The following SLC25A13 variants were observed in gnomAD, a reference collection of about 807,000 sequenced individuals.
The protein encoded by SLC25A13 is solute carrier family 25 member 13.
A neutral mutation model predicts 85.5 loss-of-function variants in SLC25A13; 70 were observed. That is an observed-to-expected ratio of 0.82 (90% CI 0.68 to 1.00). SLC25A13 has a LOEUF of 1.00. SLC25A13 is among the 50% of genes least tolerant of loss of function. The pLI is 0.00. For missense variants in SLC25A13, 765 were observed against 819.8 expected (o/e 0.93, Z 0.82); for synonymous variants, 259 against 288.7 (o/e 0.90, Z 1.04).
At chr7:96,182,179 CAAGTCA>C (rs946896792) in intron 11 of SLC25A13, among the ~76,000 whole-genome samples, 27 of 152,140 alleles carry the variant, frequency 1.8e-4, no homozygotes, top group African/African-American at 5.6e-4. Context: ...AGAATAGGAA[CAAGTCA>C]TTTTCATGGC....
At chr7:96,309,537 C>T (rs1799877626) in intron 1 of SLC25A13, 3 of 152,202 alleles carry the variant, frequency 2.0e-5, no homozygotes, top group Admixed American at 2.0e-4. Context: ...AAACCACATA[C>T]ATGCAGCAGA....
chr7:96,224,161 T>A (rs754747679), intron 4 of SLC25A13, among the ~76,000 whole-genome samples: 1 of 152,148 alleles, frequency 6.6e-6, no homozygotes, highest in Non-Finnish European at 1.5e-5. Flanking sequence ...TTTCAGCTCT[T>A]CCACTCACAA....
At chr7:96,209,745 A>C (rs1179687804) in intron 4 of SLC25A13, among the ~76,000 whole-genome samples, 1 of 152,158 alleles carries the variant, frequency 6.6e-6, no homozygotes, top group Non-Finnish European at 1.5e-5. Context: ...ACAAACAAAC[A>C]AGAAAAAAAC....
chr7:96,169,497 A>C (rs527248586), intron 13 of SLC25A13, among the ~76,000 whole-genome samples: 1 of 152,298 alleles, frequency 6.6e-6, no homozygotes, highest in African/African-American at 2.4e-5. Context: ...TCAGAACAAG[A>C]TGCAAGTTGT....
Position 96,154,174 on chromosome 7 carries a change from G to T in SLC25A13, c.1312-7478C>A, listed in dbSNP as rs537601567. Among the ~76,000 whole-genome samples the T allele has an allele frequency of 1.1e-4, 16 of 152,072 alleles. No homozygotes were observed. In the South Asian group the frequency reaches 3.3e-3, roughly 32 times the overall value. ...ATTCTGAATAAAAAATCGTGTAGAG[G>T]ATCTTATATCAGTACACATTTACAC... is the stretch of plus-strand genomic sequence containing the variant. On this transcript the variant is annotated intron_variant, in intron 13 of 17. Transcript: ENST00000265631.
intron 5 of SLC25A13, among the ~76,000 whole-genome samples, chr7:96,194,987 T>A (rs1795005008): frequency 6.6e-6 from 1 of 152,142 alleles, no homozygotes; most frequent in African/African-American, 2.4e-5. Context: ...ATGGGAAGCA[T>A]CTGTTGGCCC....
intron 13 of SLC25A13, among the ~76,000 whole-genome samples, chr7:96,153,619 G>C (rs1793135283): frequency 6.6e-6 from 1 of 152,124 alleles, no homozygotes; most frequent in African/African-American, 2.4e-5. Context: ...GTGCACCCAC[G>C]ACTGTAGAAG....
intron 13 of SLC25A13, among the ~76,000 whole-genome samples, chr7:96,165,904 AATGT>A (rs1256182555): frequency 6.6e-6 from 1 of 152,272 alleles, no homozygotes; most frequent in Non-Finnish European, 1.5e-5. Flanking sequence ...AACTGAATGT[AATGT>A]ATGAGATGAG....
chr7:96,213,056 T>C (rs957410533), intron 4 of SLC25A13, among the ~76,000 whole-genome samples: 1 of 152,156 alleles, frequency 6.6e-6, no homozygotes, highest in Admixed American at 6.5e-5. Context: ...TATTAAATCT[T>C]GTTCCTCTGG....
chr7:96,244,762 GT>G (rs1797123244), intron 3 of SLC25A13, among the ~76,000 whole-genome samples: 1 of 152,140 alleles, frequency 6.6e-6, no homozygotes, highest in South Asian at 2.1e-4. Flanking sequence ...TCGCTGCAGT[GT>G]TTGCCAAGGG....
At chr7:96,244,788 T>C (rs1424259413) in intron 3 of SLC25A13, among the ~76,000 whole-genome samples, 1 of 152,226 alleles carries the variant, frequency 6.6e-6, no homozygotes, top group Admixed American at 6.5e-5. Flanking sequence ...TTTAAATTCA[T>C]TGGCTCCAGT....
At chr7:96,242,691 G>C (rs546642029) in intron 3 of SLC25A13, among the ~76,000 whole-genome samples, 1 of 152,240 alleles carries the variant, frequency 6.6e-6, no homozygotes, top group Admixed American at 6.5e-5. Flanking sequence ...CAGGTCTTTA[G>C]GTAAACTCCA....
chr7:96,162,738 T>C (rs939155383), intron 13 of SLC25A13, among the ~76,000 whole-genome samples: 7 of 152,082 alleles, frequency 4.6e-5, no homozygotes, highest in African/African-American at 1.7e-4. Flanking sequence ...AAGTTATGGA[T>C]TAGAATAGTC....
Position 96,121,912 on chromosome 7 carries a change from G to C in SLC25A13, c.1677C>G (p.Tyr559Ter), listed in dbSNP as rs201168119. ...TTCTAAAGCAGTCTATCACTCCGCT[G>C]TAAGTGGTTTGGCCAGCCCGGGCAG... ...QVAARAGQTT[Y>*]SGVIDCFRKI... Residue 559 changes from tyrosine (Y) to a stop codon, truncating the protein, a stop_gained, in exon 16 of 18, where the codon TAC (tyrosine) becomes TAG (stop). Coordinates refer to ENST00000265631, the MANE Select transcript of SLC25A13 (RefSeq NM_014251.3). LOFTEE classifies it high-confidence loss of function. The C allele has an allele frequency of 2.5e-6, 4 of 1,614,122 alleles. No individual in the cohort carries two copies. Among genetic ancestry groups the C allele is most frequent in the Non-Finnish European group, 2.5e-6 (3 of 1,180,042 alleles).
At chr7:96,207,701 T>C (rs1465822470) in intron 5 of SLC25A13, among the ~76,000 whole-genome samples, 1 of 152,250 alleles carries the variant, frequency 6.6e-6, no homozygotes, top group Non-Finnish European at 1.5e-5. Flanking sequence ...TATTTTTAAA[T>C]AATGCTGCTG....
chr7:96,284,163 T>G (rs1250379133), intron 2 of SLC25A13, among the ~76,000 whole-genome samples: 2 of 151,704 alleles, frequency 1.3e-5, no homozygotes, highest in Admixed American at 6.6e-5. Flanking sequence ...ACATAGCAGG[T>G]AAGGGAAAAA....
Position 96,144,610 on chromosome 7 carries a change from G to C in SLC25A13, c.1452+1946C>G, listed in dbSNP as rs1166544703. Among the ~76,000 whole-genome samples, 3 of 152,176 alleles carry C rather than the reference G, an allele frequency of 2.0e-5. No homozygotes were observed. The East Asian group carries it at 5.8e-4, about 29-fold the overall frequency. Reference sequence around the variant, plus strand: ...GAGCAATCCTGCTCATTTCAGGAAAGCAATTTTAGCACAAAAGTGGAAACA... The same window carrying C: ...GAGCAATCCTGCTCATTTCAGGAAACCAATTTTAGCACAAAAGTGGAAACA... On this transcript the variant is annotated intron_variant, in intron 14 of 17. Coordinates refer to ENST00000265631, the MANE Select transcript of SLC25A13 (RefSeq NM_014251.3).
At chr7:96,129,969 A>T (rs1278021236) in intron 15 of SLC25A13, among the ~76,000 whole-genome samples, 2 of 152,246 alleles carry the variant, frequency 1.3e-5, no homozygotes, top group Non-Finnish European at 2.9e-5. Flanking sequence ...AAAAATGTTA[A>T]ATAGCAATTA....
intron 3 of SLC25A13, among the ~76,000 whole-genome samples, chr7:96,258,380 C>T (rs1797720756): frequency 6.6e-6 from 1 of 152,130 alleles, no homozygotes; most frequent in South Asian, 2.1e-4. Flanking sequence ...TCTCAGGATA[C>T]AAAATTCTTG....
Sources: gnomAD v4.1 joint callset for allele counts (sites outside exome capture counted in the v4.1 genomes callset) on GRCh38, gnomAD v4.1.1 for gene constraint, MANE v1.5 for transcripts, NCBI Gene and HGNC (gene_info 2026-07-23, HGNC 2026-07-21) for gene names.